Variants in RFX1 observed in about 807,000 individuals in gnomAD.
RFX1 encodes the protein MHC class II regulatory factor RFX1.
RFX1 carries 42 observed loss-of-function variants against 119.6 expected under a neutral mutation model. The ratio of observed to expected loss-of-function variants is 0.35; its 90% CI spans 0.27 to 0.45. The LOEUF (loss-of-function observed/expected upper bound fraction) is 0.45. Among genes scored for constraint, RFX1 ranks in the 20% least tolerant of loss-of-function variants. RFX1 has a pLI of 1.00. For missense variants in RFX1, 1,118 were observed against 1,368.1 expected (o/e 0.82, Z 2.88); for synonymous variants, 628 against 618.5 (o/e 1.02, Z -0.23).
rs1357328122 is a variant in RFX1, at chr19:13,979,551, G to C, written c.739-9C>G. ...GCCTGGACCACAGATCTCTGGGAGGGGAAAGGCAACAATAAGATGACCATG... is the reference window on the plus strand; with the variant it reads ...GCCTGGACCACAGATCTCTGGGAGGCGAAAGGCAACAATAAGATGACCATG... On this transcript the variant is annotated splice_polypyrimidine_tract_variant and intron_variant, in intron 6 of 20. Transcript: ENST00000254325. 3 of 1,576,628 alleles carry C rather than the reference G, an allele frequency of 1.9e-6. No homozygotes were observed. Among genetic ancestry groups the C allele is most frequent in the Non-Finnish European group, 2.6e-6 (3 of 1,158,746 alleles).
At chr19:13,987,328 A>G (rs1041094560) in intron 2 of RFX1, among the ~76,000 whole-genome samples, 5 of 152,012 alleles carry the variant, frequency 3.3e-5, no homozygotes, top group South Asian at 2.1e-4. Context: ...TACCACCTCC[A>G]AAGTCACCTT....
chr19:14,006,791 C>A (rs1975395279), upstream of RFX1: 1 of 152,290 alleles, frequency 6.6e-6, no homozygotes, highest in Admixed American at 6.5e-5. Flanking sequence ...CTCCAGACTT[C>A]TCTCTCGCTC....
Position 13,968,503 on chromosome 19 carries a change from G to C in RFX1, c.1732+62C>G. ...GGCTGCCTGCCGCCATCCAGCTTTG[G>C]GAACCGTCTGCACGGGGCAGGGAGG... is the stretch of plus-strand genomic sequence containing the variant. On this transcript the variant is annotated intron_variant, in intron 12 of 20. Transcript: ENST00000254325. The surrounding 1 kb of genome is among the most constrained non-coding windows in gnomAD (Gnocchi z 5.5). The C allele has an allele frequency of 7.3e-7, 1 of 1,375,798 alleles. No homozygotes were observed. The highest frequency in any genetic ancestry group is 1.7e-5 in the Admixed American group (1 of 59,176). 85.2% of individuals were successfully genotyped at this position (1,375,798 alleles called of 1,614,324 possible). A position where few individuals can be genotyped will look rare whatever the true frequency, so the allele number is the denominator to read the frequency against.
At chr19:13,970,636 G>T (rs933517925) in intron 9 of RFX1, among the ~76,000 whole-genome samples, 1 of 114,468 alleles carries the variant, frequency 8.7e-6, no homozygotes, top group Non-Finnish European at 1.6e-5. Flanking sequence ...CTATACTCCA[G>T]CCTGGATACA....
Position 13,965,412 on chromosome 19 carries a change from C to T in RFX1, c.2211+37G>A, listed in dbSNP as rs767543861. The T allele has an allele frequency of 1.0e-5, 16 of 1,582,896 alleles. No individual in the cohort carries two copies. Among genetic ancestry groups the T allele is most frequent in the Non-Finnish European group, 1.3e-5 (15 of 1,153,280 alleles). On this transcript the variant is annotated intron_variant, in intron 16 of 20. Coordinates refer to ENST00000254325, the MANE Select transcript of RFX1 (RefSeq NM_002918.5). This position sits in a 1 kb window ranked among gnomAD's most constrained non-coding sequence, Gnocchi z 4.7. Reference sequence around the variant, plus strand: ...AGCAGAGGAGACGGAGGCCTAAGCCCCAGAGATAGGAGAAAGGGACCCCCT... The same window carrying T: ...AGCAGAGGAGACGGAGGCCTAAGCCTCAGAGATAGGAGAAAGGGACCCCCT...
intron 1 of RFX1, among the ~76,000 whole-genome samples, chr19:13,997,636 C>G (rs1975080327): frequency 6.6e-6 from 1 of 152,240 alleles, no homozygotes. Context: ...TTACACTTGC[C>G]TCTTGGATGT....
At chr19:13,998,562 T>C (rs1270497634) in intron 1 of RFX1, among the ~76,000 whole-genome samples, 1 of 152,030 alleles carries the variant, frequency 6.6e-6, no homozygotes, top group African/African-American at 2.4e-5. Context: ...GGTGTTATTA[T>C]TCATTCAACA....
In RFX1 at chr19:13,972,771, G is replaced by GA. The variant is rs1974121543; in HGVS notation, c.1285dup (p.Ser429PhefsTer19). 1 of 1,606,060 alleles carries GA rather than the reference G, an allele frequency of 6.2e-7. No individual in the cohort carries two copies. The highest frequency in any genetic ancestry group is 8.5e-7 in the Non-Finnish European group (1 of 1,176,256). On this transcript the variant is annotated frameshift_variant, in exon 9 of 21. Transcript: ENST00000254325. LOFTEE classifies it high-confidence loss of function. ...GGCTGGCGAGGCACGGGTGGTGTGA[G>GA]AGTAAGACTGGCTGGCACTGCCCAG...
rs1051262476 is a variant in RFX1, at chr19:13,980,295, G to T, written c.738+278C>A. The stretch of plus-strand genomic sequence containing the variant: ...CCTTCAGGCAAATGGGCCCAAAGAG[G>T]CTCAGGTGGCTTCTCCAAGCGGTTC... On this transcript the variant is annotated intron_variant, in intron 6 of 20. Coordinates refer to ENST00000254325, the MANE Select transcript of RFX1 (RefSeq NM_002918.5). The surrounding 1 kb of genome is among the most constrained non-coding windows in gnomAD (Gnocchi z 5.1). 2.6e-5 allele frequency among the ~76,000 whole-genome samples: 4 copies of T among 152,166 alleles called. No individual in the cohort carries two copies. Among genetic ancestry groups the T allele is most frequent in the African/African-American group, 9.7e-5 (4 of 41,442 alleles).
intron 8 of RFX1, among the ~76,000 whole-genome samples, chr19:13,976,257 T>C (rs1362591638): frequency 6.6e-6 from 1 of 152,222 alleles, no homozygotes; most frequent in Admixed American, 6.5e-5. Context: ...AGTCGATCCA[T>C]GAGCTAACCA....
At chr19:13,997,014 G>T (rs1019279824) in intron 1 of RFX1, among the ~76,000 whole-genome samples, 1 of 152,102 alleles carries the variant, frequency 6.6e-6, no homozygotes, top group African/African-American at 2.4e-5. Flanking sequence ...GTGAGCCACC[G>T]CGCCCAACCT....
intron 1 of RFX1, among the ~76,000 whole-genome samples, chr19:14,001,640 A>AG (rs1304848961): frequency 1.3e-5 from 2 of 152,110 alleles, no homozygotes; most frequent in Non-Finnish European, 2.9e-5. Context: ...TCCCTCCCTG[A>AG]CTGGAAAGGT....
At chr19:13,989,439 TG>T in intron 2 of RFX1, among the ~76,000 whole-genome samples, 1 of 152,168 alleles carries the variant, frequency 6.6e-6, no homozygotes, top group Non-Finnish European at 1.5e-5. Flanking sequence ...GGTGCAGTCT[TG>T]GCTCACTGCA....
chr19:14,006,610 C>A (rs898092009), upstream of RFX1: 2 of 152,230 alleles, frequency 1.3e-5, no homozygotes, highest in African/African-American at 4.8e-5. Flanking sequence ...CGATGTAAAA[C>A]CGGCCTCCTG....
chr19:13,963,789 G>A (rs757395971), intron 17 of RFX1, 43 bp from the exon 18 acceptor site: 9 of 1,498,820 alleles, frequency 6.0e-6, no homozygotes, highest in Non-Finnish European at 8.0e-6. Flanking sequence ...CTCAGCCGCC[G>A]TCACCCCCGC....
In RFX1 at chr19:13,969,928, T is replaced by TGGGGGGGGGGG; in HGVS notation, c.1496+65_1496+66insCCCCCCCCCCC. On this transcript the variant is annotated intron_variant, in intron 10 of 20. Coordinates refer to ENST00000254325, the MANE Select transcript of RFX1 (RefSeq NM_002918.5). This position sits in a 1 kb window ranked among gnomAD's most constrained non-coding sequence, Gnocchi z 4.5. ...CTGGACTGCCTGAGATGACTCGGAGTGGGGGTGGGCCTTGGCATGCCCACC... is the reference window on the plus strand; with the variant it reads ...CTGGACTGCCTGAGATGACTCGGAGTGGGGGGGGGGGGGGGGTGGGCCTTGGCATGCCCACC... 6.7e-7 allele frequency: 1 copy of TGGGGGGGGGGG among 1,488,598 alleles called. No individual in the cohort carries two copies. Among genetic ancestry groups the TGGGGGGGGGGG allele is most frequent in the Non-Finnish European group, 9.1e-7 (1 of 1,102,172 alleles). 92.2% of individuals were successfully genotyped at this position (1,488,598 alleles called of 1,614,324 possible).
intron 2 of RFX1, among the ~76,000 whole-genome samples, chr19:13,984,156 C>G (rs1053773383): frequency 6.7e-6 from 1 of 150,368 alleles, no homozygotes; most frequent in Admixed American, 6.6e-5. Context: ...GAGGCAGGTA[C>G]TCACGCTGAC....
intron 2 of RFX1, among the ~76,000 whole-genome samples, chr19:13,984,028 G>A (rs1462931165): frequency 2.0e-5 from 3 of 152,128 alleles, no homozygotes; most frequent in African/African-American, 7.2e-5. Flanking sequence ...GGCTTCCCGG[G>A]AGTGGAAGCT....
intron 16 of RFX1, 74 bp from the exon 17 acceptor site, chr19:13,964,081 A>C: frequency 7.0e-7 from 1 of 1,430,814 alleles, no homozygotes; most frequent in Non-Finnish European, 9.3e-7. Flanking sequence ...ACCCCGCTGC[A>C]ACCTCCCTAA....
Sources: allele counts gnomAD v4.1 joint callset (sites outside exome capture counted in the v4.1 genomes callset), GRCh38; gene constraint gnomAD v4.1.1; non-coding constraint Gnocchi (gnomAD v3.1); transcripts MANE v1.5; gene names NCBI Gene and HGNC (gene_info 2026-07-23, HGNC 2026-07-21).